The following NCOA2 variants were observed in gnomAD, a reference collection of about 807,000 sequenced individuals.
NCOA2 encodes nuclear receptor coactivator 2.
NCOA2 carries 21 observed loss-of-function variants against 145.1 expected under a neutral mutation model. The observed-to-expected ratio is 0.14, with a 90% confidence interval of 0.10 to 0.21. NCOA2 has a LOEUF of 0.21. NCOA2 is among the 10% of genes least tolerant of loss of function. The pLI is 1.00. For synonymous variants in NCOA2, 619 were observed against 637.5 expected (o/e 0.97, Z 0.44); for missense variants, 1,472 against 1,837.6 (o/e 0.80, Z 3.64).
At chr8:70,248,437 A>G (rs75494490) in intron 2 of NCOA2, among the ~76,000 whole-genome samples, 7,542 of 152,240 alleles carry the variant, frequency 0.05, 275 homozygotes, top group East Asian at 0.16. Flanking sequence ...ACCACAGATT[A>G]GTTTTGCTTT....
intron 1 of NCOA2, among the ~76,000 whole-genome samples, chr8:70,368,963 G>A (rs1188661600): frequency 4.0e-5 from 6 of 151,642 alleles, no homozygotes; most frequent in African/African-American, 1.5e-4. Context: ...AAAATATTAA[G>A]AGTTATTAAA....
In NCOA2 at chr8:70,156,894, G is replaced by A. The variant is rs779500716; in HGVS notation, c.1471C>T (p.Arg491Cys). 9.3e-6 allele frequency: 15 copies of A among 1,613,890 alleles called. No individual in the cohort carries two copies. Among genetic ancestry groups the A allele is most frequent in the Admixed American group, 6.7e-5 (4 of 60,010 alleles). ...QPTSMLSPRH[R>C]MSPGVAGSPR... ...CTGCCAGCCACTCCAGGGCTCATGC[G>A]ATGCCTTGGTGAAAGCATGGAGGTG... is the stretch of plus-strand genomic sequence containing the variant. The change falls in exon 11 of 23, where the codon CGC becomes TGC. Residue 491 changes from arginine (R) to cysteine (C), a missense_variant. Around this residue, in one of 4 missense-constraint regions of NCOA2, gnomAD observed 953 missense variants for 1,062.1 expected, o/e 0.90. Coordinates refer to ENST00000452400, the MANE Select transcript of NCOA2 (RefSeq NM_006540.4).
upstream of NCOA2, chr8:70,403,856 T>TCCTCCTCCA: frequency 2.6e-6 from 1 of 383,674 alleles, no homozygotes. Context: ...TCCCTCCTCC[T>TCCTCCTCCA]CCTCCTCCTC....
chr8:70,185,272 G>GT (rs371548344), intron 4 of NCOA2, among the ~76,000 whole-genome samples: 12 of 152,104 alleles, frequency 7.9e-5, no homozygotes, highest in South Asian at 2.1e-4. Flanking sequence ...CACCAGTGTG[G>GT]TTTTTCAAAA....
intron 2 of NCOA2, among the ~76,000 whole-genome samples, chr8:70,279,824 T>C (rs549653041): frequency 1.9e-4 from 29 of 152,332 alleles, no homozygotes; most frequent in African/African-American, 6.7e-4. Flanking sequence ...TTCTCTGCCA[T>C]GACGTAAGGT....
At chr8:70,344,726 G>A (rs1390741902) in intron 1 of NCOA2, among the ~76,000 whole-genome samples, 1 of 152,142 alleles carries the variant, frequency 6.6e-6, no homozygotes, top group Non-Finnish European at 1.5e-5. Context: ...GAGAGAGAGT[G>A]CTCCAGCTAC....
At chr8:70,202,950 T>C (rs375594502) in intron 4 of NCOA2, among the ~76,000 whole-genome samples, 5 of 152,166 alleles carry the variant, frequency 3.3e-5, no homozygotes, top group Admixed American at 6.5e-5. Flanking sequence ...CCCAGGACTT[T>C]GGGAGGCTGA....
At chr8:70,288,529 G>A (rs536545597) in intron 2 of NCOA2, among the ~76,000 whole-genome samples, 27 of 151,864 alleles carry the variant, frequency 1.8e-4, no homozygotes, top group African/African-American at 2.7e-4. Context: ...TGCAGTGAGC[G>A]GAGATTGCGC....
the NCOA2 span, among the ~76,000 whole-genome samples, chr8:70,432,309 TAGATG>T: frequency 6.6e-6 from 1 of 152,222 alleles, no homozygotes; most frequent in Non-Finnish European, 1.5e-5. Flanking sequence ...ACAAAGATTT[TAGATG>T]AGAGGGTCTT....
chr8:70,202,644 A>T (rs1818012625), intron 4 of NCOA2, among the ~76,000 whole-genome samples: 1 of 152,248 alleles, frequency 6.6e-6, no homozygotes, highest in Admixed American at 6.5e-5. Context: ...CGAAGTAGTC[A>T]AACTAGCAGA....
chr8:70,431,850 C>A, the NCOA2 span, among the ~76,000 whole-genome samples: 4 of 152,160 alleles, frequency 2.6e-5, no homozygotes, highest in African/African-American at 9.7e-5. Context: ...CCTAATTTGA[C>A]AATTTACTAA....
intron 4 of NCOA2, among the ~76,000 whole-genome samples, chr8:70,207,824 C>T (rs1379903459): frequency 8.6e-5 from 11 of 127,256 alleles, no homozygotes; most frequent in Admixed American, 1.9e-4. Context: ...GATGGCGCCA[C>T]TGAACTCCAG....
At chr8:70,241,718 G>T (rs1822151230) in intron 2 of NCOA2, among the ~76,000 whole-genome samples, 1 of 152,124 alleles carries the variant, frequency 6.6e-6, no homozygotes. Flanking sequence ...CTCATTAGCT[G>T]TGTGAGCTTG....
chr8:70,255,956 T>C (rs1030505607), intron 2 of NCOA2, among the ~76,000 whole-genome samples: 23 of 152,234 alleles, frequency 1.5e-4, no homozygotes, highest in African/African-American at 5.3e-4. Flanking sequence ...TTGAAGCTGC[T>C]ACCTTTCCTT....
rs768231785 is a variant in NCOA2, at chr8:70,124,041, G to A, written c.4136C>T (p.Ala1379Val). The change falls in exon 21 of 23, where the codon GCA becomes GTA. Residue 1379 changes from alanine (A) to valine (V), a missense_variant. This residue lies in a region of NCOA2 where 232 missense variants were observed against 290.6 expected (regional missense o/e 0.80). Coordinates refer to ENST00000452400, the MANE Select transcript of NCOA2 (RefSeq NM_006540.4). ...GTTGTTACTGTACATGCTGGTGTTTGCTTGCTGCCCAAAGTGTGGTGGGGA... is the reference window on the plus strand; with the variant it reads ...GTTGTTACTGTACATGCTGGTGTTTACTTGCTGCCCAAAGTGTGGTGGGGA... Reference protein sequence around the residue: ...QQSPPHFGQQANTSMYSNNMN... With the variant: ...QQSPPHFGQQVNTSMYSNNMN... The A allele has an allele frequency of 3.7e-6, 6 of 1,613,820 alleles. No individual in the cohort carries two copies. In the African/African-American group the frequency reaches 6.7e-5, roughly 18 times the overall value.
Position 70,170,317 on chromosome 8 carries a change from A to G in NCOA2, c.426T>C (p.Asn142=). ...LEGNVVFVSE[N]VTQYLRYNQE... The stretch of plus-strand genomic sequence containing the variant: ...GGTTATACCTTAGATACTGTGTCAC[A>G]TTCTCTGACACAAACACAACGTTGC... Residue 142 remains asparagine, a synonymous_variant, in exon 6 of 23, where the codon AAT becomes AAC. Coordinates refer to ENST00000452400, the MANE Select transcript of NCOA2 (RefSeq NM_006540.4). 6.2e-7 allele frequency: 1 copy of G among 1,607,902 alleles called. No homozygotes were observed. Among genetic ancestry groups the G allele is most frequent in the Non-Finnish European group, 8.5e-7 (1 of 1,176,978 alleles).
At chr8:70,309,621 A>G (rs1828151150) in intron 1 of NCOA2, among the ~76,000 whole-genome samples, 1 of 152,140 alleles carries the variant, frequency 6.6e-6, no homozygotes, top group African/African-American at 2.4e-5. Context: ...GTATCTTTCT[A>G]TATACAGTAC....
chr8:70,128,307 G>A, intron 18 of NCOA2, 126 bp downstream of exon 18: 1 of 735,794 alleles, frequency 1.4e-6, no homozygotes, highest in East Asian at 2.7e-5. Flanking sequence ...GTAACTAGAT[G>A]ACAGTACAGG....
In NCOA2 at chr8:70,205,814, C is replaced by T. The variant is rs570834866; in HGVS notation, c.259+8089G>A. On this transcript the variant is annotated intron_variant, in intron 4 of 22. Coordinates refer to ENST00000452400, the MANE Select transcript of NCOA2 (RefSeq NM_006540.4). Reference sequence around the variant, plus strand: ...TTCTTTTGGACTTTGTCATAGACTCCGCTAGTAGTCACGAAGTCGGGGCAA... The same window carrying T: ...TTCTTTTGGACTTTGTCATAGACTCTGCTAGTAGTCACGAAGTCGGGGCAA... 5.3e-5 allele frequency among the ~76,000 whole-genome samples: 8 copies of T among 152,182 alleles called. No individual in the cohort carries two copies. The South Asian group carries it at 8.3e-4, about 16-fold the overall frequency.
Sources: allele counts gnomAD v4.1 joint callset (sites outside exome capture counted in the v4.1 genomes callset), GRCh38; gene constraint gnomAD v4.1.1; regional missense constraint gnomAD v4.1.1; transcripts MANE v1.5; gene names NCBI Gene and HGNC (gene_info 2026-07-23, HGNC 2026-07-21).